Variants in TTC28 observed in about 807,000 individuals in gnomAD.
The protein encoded by TTC28 is tetratricopeptide repeat domain 28.
In TTC28, 61 loss-of-function variants were observed where a neutral mutation model predicts 198.0. That is an observed-to-expected ratio of 0.31 (90% confidence interval 0.25 to 0.38). The LOEUF is 0.38. Ranked by LOEUF, TTC28 falls within the 10% of genes least tolerant of loss-of-function variation. TTC28 has a pLI of 1.00. For synonymous variants in TTC28, 1,171 were observed against 1,297.8 expected (o/e 0.90, Z 2.10); for missense variants, 2,678 against 3,164.0 (o/e 0.85, Z 3.69).
chr22:28,167,867 G>C (rs180845206), intron 5 of TTC28, among the ~76,000 whole-genome samples: 15 of 152,314 alleles, frequency 9.8e-5, no homozygotes, highest in African/African-American at 3.6e-4. Flanking sequence ...ATTAGGAAAA[G>C]AGGAAGTCAA....
chr22:28,482,375 ATT>A (rs559888469), intron 2 of TTC28, among the ~76,000 whole-genome samples: 64 of 151,336 alleles, frequency 4.2e-4, no homozygotes, highest in African/African-American at 1.5e-3. Flanking sequence ...CGCCCAGGTA[ATT>A]TTTTGTATTT....
At chr22:28,456,108 G>C (rs1199200574) in intron 2 of TTC28, among the ~76,000 whole-genome samples, 1 of 149,614 alleles carries the variant, frequency 6.7e-6, no homozygotes, top group Admixed American at 6.7e-5. Flanking sequence ...GCAGTGAGCC[G>C]AGATTGCACC....
At chr22:28,400,304 G>T (rs2046885765) in intron 2 of TTC28, among the ~76,000 whole-genome samples, 2 of 152,204 alleles carry the variant, frequency 1.3e-5, no homozygotes. Flanking sequence ...CCCTTTGCCA[G>T]TGTGTACGGC....
intron 21 of TTC28, chr22:27,986,221 G>A (rs1011356044): frequency 1.7e-4 from 26 of 152,168 alleles, no homozygotes; most frequent in African/African-American, 5.1e-4. Flanking sequence ...GAGTTCTCAC[G>A]AGATCTGGTT....
In TTC28 at chr22:28,521,711, A is replaced by G. The variant is rs555111117; in HGVS notation, c.381+107841T>C. ...GAGGGGCCAAGATCCCAGAGAGTAGAGAGAGGTAAAGAACAAAGCCTGACA... is the reference window on the plus strand; with the variant it reads ...GAGGGGCCAAGATCCCAGAGAGTAGGGAGAGGTAAAGAACAAAGCCTGACA... On this transcript the variant is annotated intron_variant, in intron 2 of 22. Transcript: ENST00000397906. Among the ~76,000 whole-genome samples the G allele has an allele frequency of 9.2e-5, 14 of 152,348 alleles. No homozygotes were observed. In the South Asian group the frequency reaches 2.9e-3, roughly 32 times the overall value.
At chr22:27,989,825 G>T in intron 21 of TTC28, 53 bp downstream of exon 21, 2 of 1,524,006 alleles carry the variant, frequency 1.3e-6, no homozygotes, top group Non-Finnish European at 1.8e-6. Flanking sequence ...GAAAAACAGA[G>T]ATTTAAAAGA....
At chr22:28,313,020 T>C (rs1158084172) in intron 2 of TTC28, among the ~76,000 whole-genome samples, 3 of 152,138 alleles carry the variant, frequency 2.0e-5, no homozygotes, top group African/African-American at 7.2e-5. Flanking sequence ...TAAAAAATGA[T>C]ACAGGGGATA....
intron 2 of TTC28, among the ~76,000 whole-genome samples, chr22:28,423,075 T>C (rs143041856): frequency 1.1e-4 from 16 of 152,314 alleles, no homozygotes; most frequent in African/African-American, 3.8e-4. Context: ...CTGTAGATTC[T>C]TGACATTCCT....
intron 2 of TTC28, among the ~76,000 whole-genome samples, chr22:28,405,975 G>A (rs1017445671): frequency 1.2e-4 from 19 of 152,230 alleles, no homozygotes; most frequent in African/African-American, 3.6e-4. Flanking sequence ...TACCTCTGCT[G>A]CTGCTATACA....
chr22:28,590,034 C>CAAAAAAAAAAAAAAAAAAAAAAAAA (rs71194779), intron 2 of TTC28, among the ~76,000 whole-genome samples: 2 of 68,052 alleles, frequency 2.9e-5, no homozygotes, highest in Non-Finnish European at 2.4e-5. Context: ...AAGACTCCAT[C>CAAAAAAAAAAAAAAAAAAAAAAAAA]AAAAAAAAAA....
intron 2 of TTC28, among the ~76,000 whole-genome samples, chr22:28,346,719 A>C (rs1315248069): frequency 6.6e-6 from 1 of 152,214 alleles, no homozygotes. Flanking sequence ...CTTTACATTC[A>C]GACAATGTGT....
intron 5 of TTC28, among the ~76,000 whole-genome samples, chr22:28,225,373 AG>A (rs749002661): frequency 4.9e-4 from 54 of 109,698 alleles, no homozygotes; most frequent in South Asian, 1.9e-3. Flanking sequence ...AAAGAAAAGA[AG>A]AAGAAGAAGA....
At chr22:28,269,663 T>C (rs913886580) in intron 5 of TTC28, among the ~76,000 whole-genome samples, 4 of 152,114 alleles carry the variant, frequency 2.6e-5, no homozygotes, top group South Asian at 4.1e-4. Flanking sequence ...AGAAAAAAAG[T>C]TTGGAAAATT....
intron 2 of TTC28, among the ~76,000 whole-genome samples, chr22:28,379,297 A>G: frequency 6.6e-6 from 1 of 152,216 alleles, no homozygotes; most frequent in Non-Finnish European, 1.5e-5. Flanking sequence ...AAATAACTGA[A>G]AGCAGGGACT....
chr22:28,536,198 C>CAAAAAAAAAAAAAAAAAAAAACAAAAAAA (rs2049272014), intron 2 of TTC28, among the ~76,000 whole-genome samples: 1 of 64,406 alleles, frequency 1.6e-5, no homozygotes, highest in Non-Finnish European at 2.9e-5. Flanking sequence ...GACACCGTCT[C>CAAAAAAAAAAAAAAAAAAAAACAAAAAAA]AAAAAAAAAA....
chr22:28,407,397 C>T (rs187347176), intron 2 of TTC28, among the ~76,000 whole-genome samples: 49 of 152,198 alleles, frequency 3.2e-4, no homozygotes, highest in Non-Finnish European at 5.4e-4. Context: ...ACATGCTTGT[C>T]CAGTATGCCC....
rs1248709515 is a variant in TTC28, at chr22:28,352,807, ATAATT to A, written c.382-46169_382-46165del. Among the ~76,000 whole-genome samples the A allele has an allele frequency of 2.0e-5, 3 of 152,240 alleles. No individual in the cohort carries two copies. The South Asian group carries it at 6.2e-4, about 32-fold the overall frequency. On this transcript the variant is annotated intron_variant, in intron 2 of 22. Transcript: ENST00000397906. ...CCAATTTGCACCACAAGAGTTAGAT[ATAATT>A]TAACAGTCTAAAAAACAGTTTAAAA... is the stretch of plus-strand genomic sequence containing the variant.
chr22:28,121,495 C>G (rs887772476), intron 6 of TTC28, among the ~76,000 whole-genome samples: 1 of 152,224 alleles, frequency 6.6e-6, no homozygotes, highest in Non-Finnish European at 1.5e-5. Flanking sequence ...TCACTAGTCT[C>G]AAGACCTAGA....
intron 12 of TTC28, among the ~76,000 whole-genome samples, chr22:28,053,061 C>T (rs1362596812): frequency 6.6e-6 from 1 of 152,256 alleles, no homozygotes; most frequent in Non-Finnish European, 1.5e-5. Flanking sequence ...AGGGTAGAAG[C>T]AGGAATAAAA....
Sources: allele counts gnomAD v4.1 joint callset (sites outside exome capture counted in the v4.1 genomes callset), GRCh38; gene constraint gnomAD v4.1.1; transcripts MANE v1.5; gene names NCBI Gene and HGNC (gene_info 2026-07-23, HGNC 2026-07-21).